KCNK12: variants seen among roughly 807,000 people sequenced by gnomAD.
KCNK12 encodes the protein potassium channel subfamily K member 12.
Under a neutral mutation model 25.3 loss-of-function variants are expected in KCNK12, and 6 were observed. The observed-to-expected ratio is 0.24, with a 90% CI of 0.13 to 0.47. The LOEUF is 0.47. KCNK12 is among the 20% of genes least tolerant of loss of function. KCNK12 has a pLI of 0.99. For missense variants in KCNK12, 444 were observed against 661.7 expected (o/e 0.67, Z 3.61); for synonymous variants, 331 against 311.1 (o/e 1.06, Z -0.67).
rs145244388 is a variant in KCNK12, at chr2:47,563,852, C to T, written c.391+6089G>A. The T allele has an allele frequency of 2.6e-3, 615 of 232,572 alleles. 14 individuals are homozygous for T. The highest frequency in any genetic ancestry group is 1.0e-3 in the Non-Finnish European group (122 of 117,664). 14.4% of individuals were successfully genotyped at this position (232,572 alleles called of 1,614,324 possible). ...CGGCACAATTCTGAGCTGTTCGACGCGGAGGCCCTTGGGCATAGTCAAGAC... is the reference window on the plus strand; with the variant it reads ...CGGCACAATTCTGAGCTGTTCGACGTGGAGGCCCTTGGGCATAGTCAAGAC... On this transcript the variant is annotated intron_variant, in intron 1 of 1. Coordinates refer to ENST00000327876, the MANE Select transcript of KCNK12 (RefSeq NM_022055.2).
intron 1 of KCNK12, among the ~76,000 whole-genome samples, chr2:47,552,361 C>T (rs1669454914): frequency 6.6e-6 from 1 of 152,090 alleles, no homozygotes; most frequent in Admixed American, 6.5e-5. Flanking sequence ...GAGGGGTATC[C>T]TCCTCCAGCC....
At position 47,528,782 on chromosome 2, in the gene KCNK12, A is replaced by T. The variant is rs1668851152; in HGVS notation, c.392-6974T>A. Among the ~76,000 whole-genome samples, 1 of 152,234 alleles carries T rather than the reference A, an allele frequency of 6.6e-6. No homozygotes were observed. The highest frequency in any genetic ancestry group is 1.5e-5 in the Non-Finnish European group (1 of 68,042). On this transcript the variant is annotated intron_variant, in intron 1 of 1. Transcript: ENST00000327876. The surrounding 1 kb of genome is among the most constrained non-coding windows in gnomAD (Gnocchi z 4.5). Reference sequence around the variant, plus strand: ...CAGCCTGTCTGGTGCCGCCTTCGCAAATGGGGCCCTGGTGATGGGGCCTTC... The same window carrying T: ...CAGCCTGTCTGGTGCCGCCTTCGCATATGGGGCCCTGGTGATGGGGCCTTC...
rs1388842892 is a variant in KCNK12 at position 47,521,192 on chromosome 2, G to A, written c.1008C>T (p.Thr336=). The change falls in exon 2 of 2, where the codon ACC becomes ACT. Residue 336 remains threonine (T), a synonymous_variant. Transcript: ENST00000327876. ...GGCGGCGGCGCAGCCGGGAGCCTGGGGTGATGGCATTGCGCCGGGCCAGGG... is the reference window on the plus strand; with the variant it reads ...GGCGGCGGCGCAGCCGGGAGCCTGGAGTGATGGCATTGCGCCGGGCCAGGG... The part of the protein sequence containing the change: ...GAPLARRNAI[T]PGSRLRRRLA... The A allele has an allele frequency of 1.3e-6, 2 of 1,498,692 alleles. No homozygotes were observed. Among genetic ancestry groups the A allele is most frequent in the Non-Finnish European group, 1.8e-6 (2 of 1,125,292 alleles). 92.8% of individuals were successfully genotyped at this position (1,498,692 alleles called of 1,614,324 possible). A position where few individuals can be genotyped will look rare whatever the true frequency, so the allele number is the denominator to read the frequency against.
In KCNK12 at chr2:47,570,967, A is replaced by C. The variant is rs1224313057; in HGVS notation, c.-636T>G. 6.6e-6 allele frequency: 1 copy of C among 151,778 alleles called. No homozygotes were observed. Among genetic ancestry groups the C allele is most frequent in the African/African-American group, 2.4e-5 (1 of 41,294 alleles). The allele number at this position is 151,778 out of a possible 1,614,324, so 9.4% of individuals were successfully genotyped here. On this transcript the variant is annotated 5_prime_UTR_variant, in exon 1 of 2. Coordinates refer to ENST00000327876, the MANE Select transcript of KCNK12 (RefSeq NM_022055.2). ...AGCTCCAGCCGAAGAGCCGCCCGGCAGGGAGAGGCGGAGTCACTGGCGCCC... is the reference window on the plus strand; with the variant it reads ...AGCTCCAGCCGAAGAGCCGCCCGGCCGGGAGAGGCGGAGTCACTGGCGCCC...
Position 47,562,500 on chromosome 2 carries a change from G to A in KCNK12, c.391+7441C>T. ...CATGTTGGGGGTTGGCCAAGCGCAGGGAGGAGGCAGCACTCACAAGACAGA... is the reference window on the plus strand; with the variant it reads ...CATGTTGGGGGTTGGCCAAGCGCAGAGAGGAGGCAGCACTCACAAGACAGA... On this transcript the variant is annotated intron_variant, in intron 1 of 1. Coordinates refer to ENST00000327876, the MANE Select transcript of KCNK12 (RefSeq NM_022055.2). This position sits in a 1 kb window ranked among gnomAD's most constrained non-coding sequence, Gnocchi z 4.8. 4.1e-6 allele frequency: 1 copy of A among 241,524 alleles called. No homozygotes were observed. The highest frequency in any genetic ancestry group is 1.8e-4 in the South Asian group (1 of 5,566). The allele number at this position is 241,524 out of a possible 1,614,324, so 15.0% of individuals were successfully genotyped here.
At chr2:47,558,699 G>A (rs1252300549) in intron 1 of KCNK12, among the ~76,000 whole-genome samples, 2 of 152,172 alleles carry the variant, frequency 1.3e-5, no homozygotes, top group African/African-American at 2.4e-5. Context: ...GATTAGAGAG[G>A]AGTCACGCGG....
At chr2:47,534,515 A>ACCCCCCCCCCCCC (rs34901455) in intron 1 of KCNK12, among the ~76,000 whole-genome samples, 15 of 48,160 alleles carry the variant, frequency 3.1e-4, no homozygotes, top group African/African-American at 4.8e-4. Context: ...GCCCCTTCTA[A>ACCCCCCCCCCCCC]CCCCCCCCCC....
intron 1 of KCNK12, among the ~76,000 whole-genome samples, chr2:47,523,385 T>C (rs1312605115): frequency 6.6e-6 from 1 of 152,242 alleles, no homozygotes; most frequent in Non-Finnish European, 1.5e-5. Context: ...TTGCTCACAC[T>C]TGTGGCCAAA....
rs1207451152 is a variant in KCNK12, at chr2:47,511,406, A to G, written c.*9501T>C. Among the ~76,000 whole-genome samples, 4 of 152,246 alleles carry G rather than the reference A, an allele frequency of 2.6e-5. No individual in the cohort carries two copies. The highest frequency in any genetic ancestry group is 6.5e-5 in the Admixed American group (1 of 15,292). The stretch of plus-strand genomic sequence containing the variant: ...AATATTTGTGTGCCTGCGCCTGCAT[A>G]TATGTATTTGGACCAATGCTCTCAT... On this transcript the variant is annotated 3_prime_UTR_variant, in exon 2 of 2. Coordinates refer to ENST00000327876, the MANE Select transcript of KCNK12 (RefSeq NM_022055.2). This position sits in a 1 kb window ranked among gnomAD's most constrained non-coding sequence, Gnocchi z 4.3.
intron 1 of KCNK12, among the ~76,000 whole-genome samples, chr2:47,541,250 G>A (rs982263346): frequency 1.5e-4 from 23 of 152,158 alleles, no homozygotes; most frequent in Non-Finnish European, 1.2e-4. Flanking sequence ...AGCCTGCTAT[G>A]GCAAGTGCTG....
chr2:47,520,061 G>C lies in KCNK12; in HGVS notation c.*846C>G, dbSNP rs1668616066. ...AGATATTCCTGGTTAATATTGAAAA[G>C]CACTGCTGTGGATGAGCTTGTGAAA... is the stretch of plus-strand genomic sequence containing the variant. On this transcript the variant is annotated 3_prime_UTR_variant, in exon 2 of 2. Coordinates refer to ENST00000327876, the MANE Select transcript of KCNK12 (RefSeq NM_022055.2). This position sits in a 1 kb window ranked among gnomAD's most constrained non-coding sequence, Gnocchi z 5.0. The C allele has an allele frequency of 6.6e-6, 1 of 152,226 alleles. No individual in the cohort carries two copies. The highest frequency in any genetic ancestry group is 1.5e-5 in the Non-Finnish European group (1 of 68,040). The allele number at this position is 152,226 out of a possible 1,614,324, so 9.4% of individuals were successfully genotyped here. A position where few individuals can be genotyped will look rare whatever the true frequency, so the allele number is the denominator to read the frequency against.
chr2:47,557,144 T>G lies in KCNK12; in HGVS notation c.391+12797A>C, dbSNP rs2104869881. ...ATGGTTTGAATGTCTCCTCCAAAAC[T>G]TACGTTGAAATCCAATGGCTATTGT... On this transcript the variant is annotated intron_variant, in intron 1 of 1. Transcript: ENST00000327876. The surrounding 1 kb of genome is among the most constrained non-coding windows in gnomAD (Gnocchi z 4.9). Among the ~76,000 whole-genome samples, 1 of 152,286 alleles carries G rather than the reference T, an allele frequency of 6.6e-6. No homozygotes were observed. The highest frequency in any genetic ancestry group is 3.4e-3 in the Middle Eastern group (1 of 294).
intron 1 of KCNK12, among the ~76,000 whole-genome samples, chr2:47,532,591 A>G (rs1018306806): frequency 6.6e-6 from 1 of 152,050 alleles, no homozygotes; most frequent in Admixed American, 6.5e-5. Flanking sequence ...GGGTTTTTCT[A>G]TTCTTTGTTT....
intron 1 of KCNK12, among the ~76,000 whole-genome samples, chr2:47,568,878 G>A (rs1170007485): frequency 6.6e-6 from 1 of 152,202 alleles, no homozygotes; most frequent in Admixed American, 6.5e-5. Flanking sequence ...TTGTCAAGGT[G>A]ATAAGCATGC....
chr2:47,538,427 A>G lies in KCNK12; in HGVS notation c.392-16619T>C, dbSNP rs1338230954. On this transcript the variant is annotated intron_variant, in intron 1 of 1. Transcript: ENST00000327876. This position sits in a 1 kb window ranked among gnomAD's most constrained non-coding sequence, Gnocchi z 4.5. Reference sequence around the variant, plus strand: ...GGGTAAGAGTGTTTCAGGCTAGTCAACAGCACGAGCAAAGGCCCTGAGGCA... The same window carrying G: ...GGGTAAGAGTGTTTCAGGCTAGTCAGCAGCACGAGCAAAGGCCCTGAGGCA... 6.6e-6 allele frequency among the ~76,000 whole-genome samples: 1 copy of G among 152,138 alleles called. No individual in the cohort carries two copies. The highest frequency in any genetic ancestry group is 1.5e-5 in the Non-Finnish European group (1 of 68,024).
In KCNK12 at chr2:47,570,451, C is replaced by G. The variant is rs1417554456; in HGVS notation, c.-120G>C. The G allele has an allele frequency of 9.6e-7, 1 of 1,043,912 alleles. No homozygotes were observed. The highest frequency in any genetic ancestry group is 1.7e-5 in the African/African-American group (1 of 59,680). 64.7% of individuals were successfully genotyped at this position (1,043,912 alleles called of 1,614,324 possible). A position where few individuals can be genotyped will look rare whatever the true frequency, so the allele number is the denominator to read the frequency against. On this transcript the variant is annotated 5_prime_UTR_variant, in exon 1 of 2. Transcript: ENST00000327876. ...GGTCCGGGGCCGCCGCGGAGCCCCTCGCCGCCTTCGCAGAGCCCCTCGTCG... is the reference window on the plus strand; with the variant it reads ...GGTCCGGGGCCGCCGCGGAGCCCCTGGCCGCCTTCGCAGAGCCCCTCGTCG...
Position 47,548,565 on chromosome 2 carries a change from C to T in KCNK12, c.391+21376G>A, listed in dbSNP as rs111391712. Among the ~76,000 whole-genome samples, 331 of 152,316 alleles carry T rather than the reference C, an allele frequency of 2.2e-3. 3 individuals are homozygous for T. The highest frequency in any genetic ancestry group is 7.5e-3 in the African/African-American group (312 of 41,572). ...CCCTACATCTGATCCAGGAACAAAT[C>T]GTGCCACCCTACTGTCAACACTTAT... is the stretch of plus-strand genomic sequence containing the variant. On this transcript the variant is annotated intron_variant, in intron 1 of 1. Transcript: ENST00000327876. The surrounding 1 kb of genome is among the most constrained non-coding windows in gnomAD (Gnocchi z 4.4).
rs1406100091 is a variant in KCNK12 at position 47,511,324 on chromosome 2, T to C, written c.*9583A>G. ...GTGTGAGTTGAAGGGAGCAACCTCA[T>C]GAGGTTTTGCTTTGTGTCTTAATTA... On this transcript the variant is annotated 3_prime_UTR_variant, in exon 2 of 2. Transcript: ENST00000327876. The surrounding 1 kb of genome is among the most constrained non-coding windows in gnomAD (Gnocchi z 4.3). Among the ~76,000 whole-genome samples, 1 of 152,130 alleles carries C rather than the reference T, an allele frequency of 6.6e-6. No homozygotes were observed. Among genetic ancestry groups the C allele is most frequent in the Non-Finnish European group, 1.5e-5 (1 of 68,008 alleles).
chr2:47,570,564 G>C lies in KCNK12; in HGVS notation c.-233C>G. 1 of 319,228 alleles carries C rather than the reference G, an allele frequency of 3.1e-6. No individual in the cohort carries two copies. Among genetic ancestry groups the C allele is most frequent in the Non-Finnish European group, 5.5e-6 (1 of 181,282 alleles). The allele number at this position is 319,228 out of a possible 1,614,324, so 19.8% of individuals were successfully genotyped here. A position where few individuals can be genotyped will look rare whatever the true frequency, so the allele number is the denominator to read the frequency against. On this transcript the variant is annotated 5_prime_UTR_variant, in exon 1 of 2. Transcript: ENST00000327876. Reference sequence around the variant, plus strand: ...AGTCCCGTGGCCCAGCGGGTGCCCGGGCAGGGGCGCTCCTCTGCGCGCCCC... The same window carrying C: ...AGTCCCGTGGCCCAGCGGGTGCCCGCGCAGGGGCGCTCCTCTGCGCGCCCC...
Sources: allele counts gnomAD v4.1 joint callset (sites outside exome capture counted in the v4.1 genomes callset), GRCh38; gene constraint gnomAD v4.1.1; non-coding constraint Gnocchi (gnomAD v3.1); transcripts MANE v1.5; gene names NCBI Gene and HGNC (gene_info 2026-07-23, HGNC 2026-07-21).